The following C12orf56 variants were observed in gnomAD, a reference collection of about 807,000 sequenced individuals.
C12orf56 encodes uncharacterized protein C12orf56.
In C12orf56, 71 loss-of-function variants were observed where a neutral mutation model predicts 69.9. The observed-to-expected ratio is 1.02, with a 90% CI of 0.84 to 1.24. The LOEUF (loss-of-function observed/expected upper bound fraction) is 1.24, where lower values mean the gene tolerates loss of function less well. Ranked by LOEUF, C12orf56 falls within the 50% of genes most tolerant of loss-of-function variation. C12orf56 has a pLI of 0.00. For synonymous variants in C12orf56, 276 were observed against 274.1 expected (o/e 1.01, Z -0.07); for missense variants, 732 against 738.5 (o/e 0.99, Z 0.10).
At chr12:64,348,308 T>C (rs1415849065) in intron 2 of C12orf56, among the ~76,000 whole-genome samples, 1 of 152,126 alleles carries the variant, frequency 6.6e-6, no homozygotes, top group Non-Finnish European at 1.5e-5. Context: ...GGGTATTATA[T>C]GGTTTTTCTG....
intron 11 of C12orf56, among the ~76,000 whole-genome samples, chr12:64,271,237 G>T (rs1416853515): frequency 6.6e-6 from 1 of 152,028 alleles, no homozygotes; most frequent in Admixed American, 6.6e-5. Flanking sequence ...AGGCTGAGGC[G>T]GGTAGATCAC....
At position 64,380,385 on chromosome 12, in the gene C12orf56, CATTA is replaced by C. The variant is rs1407967271; in HGVS notation, c.252+9925_252+9928del. Among the ~76,000 whole-genome samples the C allele has an allele frequency of 2.0e-5, 3 of 152,074 alleles. No individual in the cohort carries two copies. The East Asian group carries it at 5.8e-4, about 29-fold the overall frequency. On this transcript the variant is annotated intron_variant, in intron 1 of 12. Transcript: ENST00000543942. ...AGATAAGCTATATGATAGATCTGAG[CATTA>C]ATTAATTAACTCATTCATTCTTCTA...
rs10680877 is a variant in C12orf56 at position 64,332,302 on chromosome 12, C to CAAAA, written c.416-1274_416-1271dup. On this transcript the variant is annotated intron_variant, in intron 2 of 12. Transcript: ENST00000543942. Reference sequence around the variant, plus strand: ...TGGGTGAAAGAGCGAGACTCCATCTCAAAAAAAAAAAAAAAAAAAAGTTTC... The same window carrying CAAAA: ...TGGGTGAAAGAGCGAGACTCCATCTCAAAAAAAAAAAAAAAAAAAAAAAAGTTTC... Among the ~76,000 whole-genome samples, 467 of 100,656 alleles carry CAAAA rather than the reference C, an allele frequency of 4.6e-3. 7 individuals carry two copies. Among genetic ancestry groups the CAAAA allele is most frequent in the African/African-American group, 0.017 (423 of 25,386 alleles). 66.0% of individuals were successfully genotyped at this position (100,656 alleles called of 152,430 possible). A position where few individuals can be genotyped will look rare whatever the true frequency, so the allele number is the denominator to read the frequency against.
At chr12:64,271,486 G>A (rs1374704005) in intron 11 of C12orf56, among the ~76,000 whole-genome samples, 3 of 152,172 alleles carry the variant, frequency 2.0e-5, no homozygotes, top group Non-Finnish European at 4.4e-5. Flanking sequence ...ATCCATAAAC[G>A]TAGGCTTGTG....
intron 1 of C12orf56, among the ~76,000 whole-genome samples, chr12:64,377,604 A>G (rs2039659066): frequency 6.6e-6 from 1 of 152,160 alleles, no homozygotes; most frequent in South Asian, 2.1e-4. Context: ...GAATAAATCT[A>G]TATTTATCTT....
chr12:64,336,577 C>T (rs56308218), intron 2 of C12orf56, among the ~76,000 whole-genome samples: 1,976 of 152,168 alleles, frequency 0.013, 18 homozygotes, highest in Middle Eastern at 0.024. Flanking sequence ...TGACAGGAGA[C>T]CTGGTGAGCA....
chr12:64,267,589 T>C (rs1381697463), intron 12 of C12orf56: 1 of 321,568 alleles, frequency 3.1e-6, no homozygotes, highest in African/African-American at 2.2e-5. Flanking sequence ...CAATGCGCAG[T>C]GAGGTGTTGA....
intron 4 of C12orf56, among the ~76,000 whole-genome samples, chr12:64,317,613 A>C (rs994665628): frequency 2.0e-5 from 3 of 152,134 alleles, no homozygotes; most frequent in African/African-American, 2.4e-5. Flanking sequence ...TACAAAAATT[A>C]GCCGGGCGTG....
intron 3 of C12orf56, among the ~76,000 whole-genome samples, chr12:64,326,189 G>A (rs375090150): frequency 8.9e-4 from 136 of 152,278 alleles, no homozygotes; most frequent in African/African-American, 3.2e-3. Context: ...TTACTGCCTT[G>A]AAAAAGTCTC....
intron 2 of C12orf56, chr12:64,338,335 G>A: frequency 1.7e-6 from 1 of 584,740 alleles, no homozygotes; most frequent in Non-Finnish European, 3.3e-6. Flanking sequence ...CCTCTGGCAG[G>A]TAGACATAGC....
chr12:64,358,476 A>ATCATCATCATC (rs1565773410), intron 1 of C12orf56, among the ~76,000 whole-genome samples: 24 of 21,150 alleles, frequency 1.1e-3, no homozygotes, highest in African/African-American at 1.8e-3. Flanking sequence ...TAATAATAAT[A>ATCATCATCATC]ATAATAATCA....
intron 3 of C12orf56, among the ~76,000 whole-genome samples, chr12:64,325,348 G>C (rs1592454489): frequency 7.7e-6 from 1 of 129,942 alleles, no homozygotes; most frequent in East Asian, 2.2e-4. Flanking sequence ...AGGCAGCAGA[G>C]CAAGACCCTG....
At chr12:64,285,872 T>C in intron 7 of C12orf56, 82 bp downstream of exon 7, 1 of 708,560 alleles carries the variant, frequency 1.4e-6, no homozygotes, top group Non-Finnish European at 2.2e-6. Flanking sequence ...TAACCCAGCA[T>C]ATATTTTGTC....
chr12:64,303,496 G>T, intron 6 of C12orf56, 139 bp downstream of exon 6: 1 of 716,856 alleles, frequency 1.4e-6, no homozygotes, highest in Non-Finnish European at 2.2e-6. Flanking sequence ...ATTAAGACAT[G>T]ACTACATTAA....
At chr12:64,361,239 AATT>A (rs1195127398) in intron 1 of C12orf56, among the ~76,000 whole-genome samples, 1 of 152,024 alleles carries the variant, frequency 6.6e-6, no homozygotes, top group African/African-American at 2.4e-5. Flanking sequence ...ATAAAAAAAC[AATT>A]ATTATTGAAC....
At chr12:64,367,373 G>T (rs983324408) in intron 1 of C12orf56, among the ~76,000 whole-genome samples, 1 of 142,854 alleles carries the variant, frequency 7.0e-6, no homozygotes, top group Non-Finnish European at 1.5e-5. Flanking sequence ...ATATAGTTTA[G>T]TTTATATATA....
chr12:64,364,713 G>A (rs1465372587), intron 1 of C12orf56, among the ~76,000 whole-genome samples: 2 of 151,830 alleles, frequency 1.3e-5, no homozygotes, highest in Non-Finnish European at 2.9e-5. Context: ...GTATCTTTTC[G>A]CTGTAATAAA....
intron 5 of C12orf56, 87 bp downstream of exon 5, chr12:64,312,592 G>C: frequency 1.0e-6 from 1 of 993,630 alleles, no homozygotes; most frequent in African/African-American, 1.6e-5. Flanking sequence ...CTGGGAAACA[G>C]AGTGAGACTC....
rs144275957 is a variant in C12orf56, at chr12:64,351,202, A to G, written c.415+1692T>C. On this transcript the variant is annotated intron_variant, in intron 2 of 12. Coordinates refer to ENST00000543942, the MANE Select transcript of C12orf56 (RefSeq NM_001170633.2). ...CCCATGCACCCAAATCTTAGCAAGC[A>G]TAAATATAGCCACCACTCATCTGGG... Among the ~76,000 whole-genome samples, 304 of 152,330 alleles carry G rather than the reference A, an allele frequency of 2.0e-3. 3 individuals are homozygous for G. The highest frequency in any genetic ancestry group is 6.9e-3 in the African/African-American group (288 of 41,586).
Sources: gnomAD v4.1 joint callset for allele counts (sites outside exome capture counted in the v4.1 genomes callset) on GRCh38, gnomAD v4.1.1 for gene constraint, MANE v1.5 for transcripts, NCBI Gene and HGNC (gene_info 2026-07-23, HGNC 2026-07-21) for gene names.